TIAM2: variants seen among roughly 807,000 people sequenced by gnomAD.
The protein encoded by TIAM2 is rho guanine nucleotide exchange factor TIAM2.
In TIAM2, 80 loss-of-function variants were observed where a neutral mutation model predicts 152.9. The observed-to-expected ratio is 0.52, with a 90% CI of 0.44 to 0.63. The LOEUF (loss-of-function observed/expected upper bound fraction) is 0.63. Ranked by LOEUF, TIAM2 falls within the 30% of genes least tolerant of loss-of-function variation. The pLI, the probability that TIAM2 is intolerant of heterozygous loss-of-function variation, is 0.00. For missense variants in TIAM2, 1,965 were observed against 2,120.1 expected (o/e 0.93, Z 1.44); for synonymous variants, 804 against 838.0 (o/e 0.96, Z 0.70).
At chr6:155,215,727 ATT>A (rs10535890) in intron 15 of TIAM2, among the ~76,000 whole-genome samples, 26,002 of 140,056 alleles carry the variant, frequency 0.19, 2,509 homozygotes, top group East Asian at 0.35. Context: ...AAAATTTTAA[ATT>A]TTTTTTTTTT....
chr6:155,006,698 GAAAA>G (rs888920448), intron 1 of TIAM2, among the ~76,000 whole-genome samples: 1 of 125,058 alleles, frequency 8.0e-6, no homozygotes, highest in Non-Finnish European at 1.7e-5. Flanking sequence ...AAAAAAAAAA[GAAAA>G]AAAAAAGACA....
chr6:155,030,587 A>G (rs1014785388), intron 1 of TIAM2, among the ~76,000 whole-genome samples: 1 of 152,080 alleles, frequency 6.6e-6, no homozygotes, highest in African/African-American at 2.4e-5. Context: ...CAGAAATTCC[A>G]TTCTGTGGGG....
intron 7 of TIAM2, among the ~76,000 whole-genome samples, chr6:155,157,290 G>C (rs551079284): frequency 2.6e-5 from 4 of 152,170 alleles, no homozygotes; most frequent in African/African-American, 9.6e-5. Flanking sequence ...GCCCTGCCTT[G>C]TTCTCATGCT....
At chr6:155,241,952 G>A (rs546183530) in intron 16 of TIAM2, among the ~76,000 whole-genome samples, 1 of 152,228 alleles carries the variant, frequency 6.6e-6, no homozygotes, top group African/African-American at 2.4e-5. Context: ...GAGTTGAGAG[G>A]AGAATCGATG....
chr6:155,256,283 A>AACTT (rs1784017810), intron 26 of TIAM2: 7 of 712,732 alleles, frequency 9.8e-6, no homozygotes, highest in African/African-American at 3.6e-5. Context: ...TGAATTGCCT[A>AACTT]ACTTACAACT....
In TIAM2 at chr6:155,006,103, G is replaced by A. The variant is rs1218478722; in HGVS notation, c.-209+10611G>A. 4.6e-5 allele frequency among the ~76,000 whole-genome samples: 7 copies of A among 152,326 alleles called. No homozygotes were observed. In the South Asian group the frequency reaches 1.0e-3, roughly 23 times the overall value. On this transcript the variant is annotated intron_variant, in intron 1 of 26. Coordinates refer to ENST00000682666, the MANE Select transcript of TIAM2 (RefSeq NM_012454.4). The stretch of plus-strand genomic sequence containing the variant: ...GAGTAGAGGGCAGGGAGGCTCCCAC[G>A]TGTAGCCCCCCGGGGTCCTGGAGGC...
chr6:155,033,939 A>C (rs1776871205), intron 1 of TIAM2, among the ~76,000 whole-genome samples: 2 of 149,774 alleles, frequency 1.3e-5, no homozygotes, highest in African/African-American at 2.5e-5. Flanking sequence ...CTGGTCTCGA[A>C]CTCCTGACCT....
intron 19 of TIAM2, among the ~76,000 whole-genome samples, chr6:155,247,617 C>T (rs1436614296): frequency 2.0e-5 from 3 of 152,210 alleles, no homozygotes; most frequent in South Asian, 2.1e-4. Context: ...CGTGAGCCAC[C>T]GCACCTGGCC....
chr6:155,072,659 A>G lies in TIAM2; in HGVS notation c.-208-17630A>G, dbSNP rs534449093. Among the ~76,000 whole-genome samples, 220 of 152,232 alleles carry G rather than the reference A, an allele frequency of 1.4e-3. 1 individual carries two copies. The highest frequency in any genetic ancestry group is 2.4e-3 in the Non-Finnish European group (160 of 68,022). ...CTGGTAGGTGGGTAAGTGGGTCTGG[A>G]ACTCAGAAGAAATAGAGTCTTGGTT... On this transcript the variant is annotated intron_variant, in intron 1 of 26. Transcript: ENST00000682666.
intron 15 of TIAM2, among the ~76,000 whole-genome samples, chr6:155,224,690 C>T (rs1782178641): frequency 6.6e-6 from 1 of 152,238 alleles, no homozygotes; most frequent in Non-Finnish European, 1.5e-5. Context: ...CAGCCTCCAG[C>T]GCATGCTGCC....
intron 14 of TIAM2, among the ~76,000 whole-genome samples, chr6:155,185,692 C>T (rs900547591): frequency 3.3e-5 from 5 of 152,082 alleles, no homozygotes; most frequent in African/African-American, 1.2e-4. Flanking sequence ...GGTGCTTGTC[C>T]ACATCACGTC....
chr6:155,116,489 G>A (rs1198597245), intron 2 of TIAM2, among the ~76,000 whole-genome samples: 1 of 152,206 alleles, frequency 6.6e-6, no homozygotes, highest in Non-Finnish European at 1.5e-5. Flanking sequence ...AAAAAAATAT[G>A]TGGTTTAAGC....
chr6:155,109,866 T>C (rs1311846081), intron 2 of TIAM2, among the ~76,000 whole-genome samples: 1 of 152,060 alleles, frequency 6.6e-6, no homozygotes, highest in Non-Finnish European at 1.5e-5. Context: ...CTTTGGCACA[T>C]CCTGATGTAT....
At chr6:155,070,932 G>A (rs1158745346) in intron 1 of TIAM2, among the ~76,000 whole-genome samples, 1 of 152,178 alleles carries the variant, frequency 6.6e-6, no homozygotes, top group Non-Finnish European at 1.5e-5. Flanking sequence ...AGCTCTTTGG[G>A]AAGTCAAAGT....
At chr6:155,235,953 T>C (rs1222999369) in intron 15 of TIAM2, among the ~76,000 whole-genome samples, 3 of 152,182 alleles carry the variant, frequency 2.0e-5, no homozygotes, top group African/African-American at 7.2e-5. Flanking sequence ...ACTTATGATG[T>C]ATTTTATCAG....
chr6:155,151,189 C>T (rs960992047), intron 7 of TIAM2, among the ~76,000 whole-genome samples: 3 of 152,190 alleles, frequency 2.0e-5, no homozygotes, highest in South Asian at 2.1e-4. Context: ...CTCATCCTCA[C>T]GAGTCTGTGT....
intron 17 of TIAM2, 137 bp from the exon 18 acceptor site, chr6:155,244,521 G>A (rs1160301094): frequency 1.9e-6 from 2 of 1,061,148 alleles, no homozygotes; most frequent in Middle Eastern, 2.1e-4. Context: ...TGAATGTGCT[G>A]TCTTCTTAAA....
chr6:155,144,580 T>C, intron 5 of TIAM2, 26 bp from the exon 6 acceptor site: 1 of 1,492,356 alleles, frequency 6.7e-7, no homozygotes. Context: ...CTGACCGGGA[T>C]GTTATTTTGC....
intron 1 of TIAM2, among the ~76,000 whole-genome samples, chr6:155,067,798 C>T (rs916093700): frequency 1.1e-4 from 17 of 152,188 alleles, no homozygotes; most frequent in South Asian, 6.2e-4. Flanking sequence ...TGCACCACCA[C>T]GCCTGGCTAA....
Sources: gnomAD v4.1 joint callset for allele counts (sites outside exome capture counted in the v4.1 genomes callset) on GRCh38, gnomAD v4.1.1 for gene constraint, MANE v1.5 for transcripts, NCBI Gene and HGNC (gene_info 2026-07-23, HGNC 2026-07-21) for gene names.